Variants in SYMPK observed in about 807,000 individuals in gnomAD.
SYMPK encodes the protein symplekin scaffold protein.
A neutral mutation model predicts 136.4 loss-of-function variants in SYMPK; 49 were observed. The observed-to-expected ratio is 0.36, with a 90% confidence interval of 0.29 to 0.46. SYMPK has a LOEUF of 0.46. SYMPK is among the 20% of genes least tolerant of loss of function. The pLI is 1.00. For synonymous variants in SYMPK, 766 were observed against 713.0 expected, an observed-to-expected ratio of 1.07 and a Z score of -1.19; for missense variants, 1,365 against 1,690.0, an observed-to-expected ratio of 0.81 and a Z score of 3.37.
Position 45,817,948 on chromosome 19 carries a change from G to A in SYMPK, c.3081+11C>T, listed in dbSNP as rs1437525097. ...TGCAGCCTGGAGGCGGGGTGGCCGGGGATGGGTTACCTGCTTCATGATGAG... is the reference window on the plus strand; with the variant it reads ...TGCAGCCTGGAGGCGGGGTGGCCGGAGATGGGTTACCTGCTTCATGATGAG... On this transcript the variant is annotated intron_variant, in intron 23 of 26. Coordinates refer to ENST00000245934, the MANE Select transcript of SYMPK (RefSeq NM_004819.3). The A allele has an allele frequency of 6.4e-7, 1 of 1,558,276 alleles. No homozygotes were observed. Among genetic ancestry groups the A allele is most frequent in the African/African-American group, 1.4e-5 (1 of 73,998 alleles).
intron 22 of SYMPK, 89 bp from the exon 23 acceptor site, chr19:45,818,235 A>AG: frequency 7.4e-7 from 1 of 1,344,198 alleles, no homozygotes; most frequent in East Asian, 2.6e-5. Flanking sequence ...TGCCCATGTG[A>AG]GGGGAAGACT....
At chr19:45,826,428 G>A in intron 16 of SYMPK, 55 bp from the exon 17 acceptor site, 1 of 1,579,674 alleles carries the variant, frequency 6.3e-7, no homozygotes, top group Admixed American at 1.7e-5. Flanking sequence ...AGGAAGAACA[G>A]CTATTCCTGC....
chr19:45,816,053 C>T lies in SYMPK; in HGVS notation c.3485G>A (p.Gly1162Glu). 3 of 1,566,530 alleles carry T rather than the reference C, an allele frequency of 1.9e-6. No individual in the cohort carries two copies. In the South Asian group the frequency reaches 3.5e-5, roughly 18 times the overall value. ...GGAAGAGGAGGGGGCTCCCACTCCT[C>T]CCGGCTTCAGCTTCTGTTCCTCCTC... is the stretch of plus-strand genomic sequence containing the variant. ...QLEEEQKLKP[G>E]GVGAPSSSSP... The change falls in exon 26 of 27, where the codon GGA (glycine) becomes GAA (glutamate). Residue 1162 changes from glycine (G) to glutamate (E), a missense_variant. Around this residue, in one of 11 missense-constraint regions of SYMPK, gnomAD observed 341 missense variants for 270.5 expected, o/e 1.26. Coordinates refer to ENST00000245934, the MANE Select transcript of SYMPK (RefSeq NM_004819.3).
At chr19:45,822,577 T>A (rs577724006) in intron 21 of SYMPK, among the ~76,000 whole-genome samples, 179 bp downstream of exon 21, 1 of 152,062 alleles carries the variant, frequency 6.6e-6, no homozygotes, top group African/African-American at 2.4e-5. Context: ...GAAACCATCA[T>A]AAAAATATCC....
At chr19:45,820,502 C>T (rs1228070120) in intron 22 of SYMPK, 1 of 152,382 alleles carries the variant, frequency 6.6e-6, no homozygotes, top group African/African-American at 2.4e-5. Flanking sequence ...GTAAGCAGCA[C>T]AGAGAGGAAG....
At chr19:45,849,882 C>A (rs944032791) in intron 5 of SYMPK, among the ~76,000 whole-genome samples, 1 of 151,892 alleles carries the variant, frequency 6.6e-6, no homozygotes, top group Non-Finnish European at 1.5e-5. Flanking sequence ...CCCATCTCTA[C>A]TAAAAATACA....
intron 7 of SYMPK, among the ~76,000 whole-genome samples, chr19:45,845,128 CCT>C (rs1006807889): frequency 3.4e-5 from 5 of 148,940 alleles, no homozygotes; most frequent in African/African-American, 1.2e-4. Context: ...TTTTTTTTTC[CCT>C]GAGATGGGGT....
chr19:45,823,502 T>C, intron 19 of SYMPK, 30 bp from the exon 20 acceptor site: 2 of 1,606,686 alleles, frequency 1.2e-6, no homozygotes, highest in Non-Finnish European at 1.7e-6. Flanking sequence ...GGCACCAAGT[T>C]GGAGGCGGAG....
Position 45,847,860 on chromosome 19 carries a change from G to A in SYMPK, c.568C>T (p.Leu190Phe), listed in dbSNP as rs752359500. The A allele has an allele frequency of 1.5e-5, 24 of 1,613,916 alleles. No individual in the cohort carries two copies. Among genetic ancestry groups the A allele is most frequent in the Non-Finnish European group, 1.9e-5 (23 of 1,180,020 alleles). Reference protein sequence around the residue: ...RTHAIKFVEGLIVTLSPRMAD... With the variant: ...RTHAIKFVEGFIVTLSPRMAD... ...ATGCGGGGTGACAGGGTGACAATGA[G>A]GCCCTCCACAAACTTGATGGCGTGG... Residue 190 changes from leucine to phenylalanine, a missense_variant, in exon 7 of 27, where the codon CTC (leucine) becomes TTC (phenylalanine). This residue lies in a region of SYMPK where 237 missense variants were observed against 292.9 expected (regional missense o/e 0.81). Transcript: ENST00000245934.
At chr19:45,820,958 A>G (rs1459076387) in intron 22 of SYMPK, 2 of 581,274 alleles carry the variant, frequency 3.4e-6, no homozygotes, top group Non-Finnish European at 6.1e-6. Context: ...GCCGCCCTGC[A>G]GGCAAGCTCT....
Position 45,829,205 on chromosome 19 carries a change from C to T in SYMPK, c.1750G>A (p.Val584Ile), listed in dbSNP as rs748770996. ...KAVACSGAAQVRIKILASLVT... is the reference protein window; with the variant it reads ...KAVACSGAAQIRIKILASLVT... ...AGGCTGGCCAGGATCTTTATGCGGACCTGGTGGGAGGGTGAGCCAGCATGT... is the reference window on the plus strand; with the variant it reads ...AGGCTGGCCAGGATCTTTATGCGGATCTGGTGGGAGGGTGAGCCAGCATGT... Residue 584 changes from valine to isoleucine, a missense_variant and splice_region_variant, in exon 14 of 27, where the codon GTC becomes ATC. Around this residue, in one of 11 missense-constraint regions of SYMPK, gnomAD observed 303 missense variants for 326.6 expected, o/e 0.93. Coordinates refer to ENST00000245934, the MANE Select transcript of SYMPK (RefSeq NM_004819.3). 1 of 1,611,820 alleles carries T rather than the reference C, an allele frequency of 6.2e-7. No individual in the cohort carries two copies. Among genetic ancestry groups the T allele is most frequent in the Non-Finnish European group, 8.5e-7 (1 of 1,178,122 alleles).
chr19:45,859,953 T>TCAA (rs1491508236), intron 1 of SYMPK, among the ~76,000 whole-genome samples: 9,667 of 85,674 alleles, frequency 0.11, 1,028 homozygotes, highest in East Asian at 0.35. Context: ...AGACTCCATC[T>TCAA]AAAAAAAAAA....
intron 11 of SYMPK, among the ~76,000 whole-genome samples, chr19:45,832,177 C>T (rs1971195209): frequency 6.6e-6 from 1 of 151,678 alleles, no homozygotes; most frequent in African/African-American, 2.4e-5. Context: ...AGTCTCACTC[C>T]ATCACCAAGG....
intron 5 of SYMPK, among the ~76,000 whole-genome samples, chr19:45,850,316 C>T (rs1971669016): frequency 6.6e-6 from 1 of 152,202 alleles, no homozygotes; most frequent in South Asian, 2.1e-4. Context: ...AAATTCACTT[C>T]ACCTCTCTGA....
intron 7 of SYMPK, among the ~76,000 whole-genome samples, chr19:45,844,809 T>A (rs1172754397): frequency 6.6e-6 from 1 of 152,168 alleles, no homozygotes. Context: ...TCCCCAAAAT[T>A]AATGCTTAAA....
intron 11 of SYMPK, among the ~76,000 whole-genome samples, chr19:45,831,831 T>C (rs931597951): frequency 8.6e-5 from 13 of 152,042 alleles, no homozygotes; most frequent in Non-Finnish European, 1.9e-4. Context: ...TTTGGAAACA[T>C]GATGAGCAGT....
intron 10 of SYMPK, among the ~76,000 whole-genome samples, chr19:45,837,232 T>C (rs1208732459): frequency 6.6e-6 from 1 of 152,166 alleles, no homozygotes; most frequent in African/African-American, 2.4e-5. Flanking sequence ...ACATATGGTA[T>C]TTTATACTAT....
In SYMPK at chr19:45,852,597, C is replaced by T. The variant is rs566781827; in HGVS notation, c.172-62G>A. ...ATATAAAACGAGGGGCCAATCAATGCAGACAGGAGAGTAGAGGGGAAGACA... is the reference window on the plus strand; with the variant it reads ...ATATAAAACGAGGGGCCAATCAATGTAGACAGGAGAGTAGAGGGGAAGACA... On this transcript the variant is annotated intron_variant, in intron 3 of 26. Coordinates refer to ENST00000245934, the MANE Select transcript of SYMPK (RefSeq NM_004819.3). 6.9e-6 allele frequency: 11 copies of T among 1,590,870 alleles called. No homozygotes were observed. In the Admixed American group the frequency reaches 1.8e-4, roughly 27 times the overall value.
rs1173420733 is a variant in SYMPK, at chr19:45,828,407, G to A, written c.1986-489C>T. 6.6e-5 allele frequency: 12 copies of A among 182,266 alleles called. No homozygotes were observed. In the East Asian group the frequency reaches 1.6e-3, roughly 24 times the overall value. The allele number at this position is 182,266 out of a possible 1,614,324, so 11.3% of individuals were successfully genotyped here. On this transcript the variant is annotated intron_variant, in intron 14 of 26. Coordinates refer to ENST00000245934, the MANE Select transcript of SYMPK (RefSeq NM_004819.3). ...AGAAGGCCAATGTGGCTAATGTTCG[G>A]GGGGTAAAGCCAAAGAGATTGGGTC...
Sources: allele counts gnomAD v4.1 joint callset (sites outside exome capture counted in the v4.1 genomes callset), GRCh38; gene constraint gnomAD v4.1.1; regional missense constraint gnomAD v4.1.1; transcripts MANE v1.5; gene names NCBI Gene and HGNC (gene_info 2026-07-23, HGNC 2026-07-21).